B4GALNT2: variants seen among roughly 807,000 people sequenced by gnomAD.
B4GALNT2 encodes beta-1,4-N-acetyl-galactosaminyltransferase 2 (SID blood group).
B4GALNT2 carries 42 observed loss-of-function variants against 51.1 expected under a neutral mutation model. That is an observed-to-expected ratio of 0.82 (90% CI 0.64 to 1.06). B4GALNT2 has a LOEUF of 1.06. Among genes scored for constraint, B4GALNT2 ranks in the 50% least tolerant of loss-of-function variants. The pLI is 0.00. For synonymous variants in B4GALNT2, 253 were observed against 251.7 expected (o/e 1.01, Z -0.05); for missense variants, 602 against 633.6 (o/e 0.95, Z 0.54).
chr17:49,171,960 A>C lies in B4GALNT2; in HGVS notation c.*2232A>C, dbSNP rs1004009920. On this transcript the variant is annotated 3_prime_UTR_variant, in exon 11 of 11. Coordinates refer to ENST00000393354, the MANE Select transcript of B4GALNT2 (RefSeq NM_001159387.2). ...ACTGTGTCACACAGTGATTACATCC[A>C]GGCATTATTGCCAGCCAAGATTGAT... The C allele has an allele frequency of 7.5e-6, 2 of 266,208 alleles. No homozygotes were observed. Among genetic ancestry groups the C allele is most frequent in the African/African-American group, 4.7e-5 (2 of 42,762 alleles). The allele number at this position is 266,208 out of a possible 1,614,324, so 16.5% of individuals were successfully genotyped here.
chr17:49,152,129 C>A (rs558925303), intron 3 of B4GALNT2, among the ~76,000 whole-genome samples: 1 of 152,278 alleles, frequency 6.6e-6, no homozygotes, highest in East Asian at 1.9e-4. Flanking sequence ...ATAGTCCTGG[C>A]TTCTCTGACA....
At chr17:49,167,771 G>A (rs146851417) in intron 9 of B4GALNT2, among the ~76,000 whole-genome samples, 4 of 151,998 alleles carry the variant, frequency 2.6e-5, no homozygotes, top group East Asian at 1.9e-4. Flanking sequence ...CACCATGCCC[G>A]GCTGATTTTT....
chr17:49,138,202 A>G (rs868718003), intron 1 of B4GALNT2, among the ~76,000 whole-genome samples: 1 of 152,322 alleles, frequency 6.6e-6, no homozygotes, highest in African/African-American at 2.4e-5. Flanking sequence ...AGACTTAAAG[A>G]TTTATAACTC....
At chr17:49,158,636 CA>C (rs770885158) in intron 5 of B4GALNT2, among the ~76,000 whole-genome samples, 8,941 of 73,796 alleles carry the variant, frequency 0.12, 152 homozygotes, top group South Asian at 0.23. Context: ...GACTCCATCT[CA>C]AAAAAAAAAA....
intron 1 of B4GALNT2, among the ~76,000 whole-genome samples, chr17:49,137,741 A>T (rs1290888172): frequency 6.6e-6 from 1 of 152,190 alleles, no homozygotes; most frequent in Non-Finnish European, 1.5e-5. Context: ...TTCAGAACTT[A>T]ACAGGGAGGC....
intron 3 of B4GALNT2, among the ~76,000 whole-genome samples, chr17:49,143,815 A>T (rs934725780): frequency 6.6e-6 from 1 of 150,526 alleles, no homozygotes. Context: ...GCAAGAGCAC[A>T]TGCATCAGCT....
Position 49,172,617 on chromosome 17 carries a change from C to T in B4GALNT2, c.*2889C>T, listed in dbSNP as rs1052288142. 6.5e-6 allele frequency: 1 copy of T among 154,114 alleles called. No homozygotes were observed. Among genetic ancestry groups the T allele is most frequent in the African/African-American group, 2.4e-5 (1 of 41,502 alleles). 9.5% of individuals were successfully genotyped at this position (154,114 alleles called of 1,614,324 possible). On this transcript the variant is annotated 3_prime_UTR_variant, in exon 11 of 11. Transcript: ENST00000393354. The stretch of plus-strand genomic sequence containing the variant: ...GAGAGATTCATTCTTTCTACTATGG[C>T]TTGTCCTTGAGAATTATATGGGATG...
At chr17:49,169,385 T>A (rs1598219202) in intron 10 of B4GALNT2, 138 bp from the exon 11 acceptor site, 1 of 736,220 alleles carries the variant, frequency 1.4e-6, no homozygotes, top group Non-Finnish European at 2.3e-6. Context: ...GAGTTAAGGG[T>A]GTGGCTTCAC....
At chr17:49,154,310 T>C (rs893413447) in intron 4 of B4GALNT2, among the ~76,000 whole-genome samples, 4 of 152,126 alleles carry the variant, frequency 2.6e-5, no homozygotes, top group Admixed American at 2.0e-4. Flanking sequence ...CGGGAGTGCA[T>C]TGTGAAAAGA....
intron 9 of B4GALNT2, among the ~76,000 whole-genome samples, chr17:49,167,604 T>C (rs1177223533): frequency 6.9e-6 from 1 of 144,258 alleles, no homozygotes; most frequent in Non-Finnish European, 1.5e-5. Context: ...AACCCTCACC[T>C]ACTCTTTTTT....
At chr17:49,140,049 A>G (rs367689419) in intron 1 of B4GALNT2, among the ~76,000 whole-genome samples, 3 of 149,082 alleles carry the variant, frequency 2.0e-5, no homozygotes, top group East Asian at 3.9e-4. Flanking sequence ...ATTTATAAAT[A>G]TAATATAATA....
chr17:49,132,708 C>T (rs2042550375), upstream of B4GALNT2: 1 of 1,356,532 alleles, frequency 7.4e-7, no homozygotes, highest in Non-Finnish European at 9.5e-7. Flanking sequence ...GAGAATTTGC[C>T]CGGGTCGGTG....
At chr17:49,130,632 C>T (rs938004174), upstream of B4GALNT2, among the ~76,000 whole-genome samples, 3 of 144,628 alleles carry the variant, frequency 2.1e-5, no homozygotes, top group African/African-American at 7.7e-5. Flanking sequence ...AGTGAGACTC[C>T]ATCTTCAAAG....
At position 49,170,493 on chromosome 17, in the gene B4GALNT2, G is replaced by T. The variant is rs1368541795; in HGVS notation, c.*765G>T. ...CTCAGAGCCCATGCCAAGGCATGAT[G>T]GTGAACAGACAGTGTGAGTGTGGTG... On this transcript the variant is annotated 3_prime_UTR_variant, in exon 11 of 11. Transcript: ENST00000393354. 2 of 152,306 alleles carry T rather than the reference G, an allele frequency of 1.3e-5. No homozygotes were observed. The highest frequency in any genetic ancestry group is 1.3e-4 in the Admixed American group (2 of 15,288). 9.4% of individuals were successfully genotyped at this position (152,306 alleles called of 1,614,324 possible). A position where few individuals can be genotyped will look rare whatever the true frequency, so the allele number is the denominator to read the frequency against.
chr17:49,175,167 G>A lies in B4GALNT2; in HGVS notation c.*5439G>A, dbSNP rs1200034686. On this transcript the variant is annotated 3_prime_UTR_variant, in exon 11 of 11. Coordinates refer to ENST00000393354, the MANE Select transcript of B4GALNT2 (RefSeq NM_001159387.2). ...CAGCCAGTGCTGTAGAGAAATGATT[G>A]AAATGTCTGCTCCTGTATCTACCAA... 3 of 152,154 alleles carry A rather than the reference G, an allele frequency of 2.0e-5. No homozygotes were observed. The highest frequency in any genetic ancestry group is 7.2e-5 in the African/African-American group (3 of 41,432). 9.4% of individuals were successfully genotyped at this position (152,154 alleles called of 1,614,324 possible). A position where few individuals can be genotyped will look rare whatever the true frequency, so the allele number is the denominator to read the frequency against.
At position 49,160,622 on chromosome 17, in the gene B4GALNT2, G is replaced by A. The variant is rs1275952271; in HGVS notation, c.747G>A (p.Lys249=). 1 of 1,614,146 alleles carries A rather than the reference G, an allele frequency of 6.2e-7. No homozygotes were observed. The highest frequency in any genetic ancestry group is 1.7e-5 in the Admixed American group (1 of 60,022). ...CCATCCGCCATCCTGTCATACCCAA[G>A]CTATACGACCCTGGACCAGGTAAGG... is the stretch of plus-strand genomic sequence containing the variant. ...PVTIRHPVIP[K]LYDPGPERKL... is the part of the protein sequence containing the mutation. Residue 249 remains lysine, a synonymous_variant, in exon 7 of 11, where the codon AAG becomes AAA. Transcript: ENST00000393354.
rs1399125044 is a variant in B4GALNT2, at chr17:49,173,350, A to C, written c.*3622A>C. The stretch of plus-strand genomic sequence containing the variant: ...CAGTCAATACCTCAATTACAGCTAT[A>C]AGCTCTGCTTTTTGAACTGAAGTAT... On this transcript the variant is annotated 3_prime_UTR_variant, in exon 11 of 11. Coordinates refer to ENST00000393354, the MANE Select transcript of B4GALNT2 (RefSeq NM_001159387.2). 1.3e-5 allele frequency: 2 copies of C among 152,236 alleles called. No homozygotes were observed. The highest frequency in any genetic ancestry group is 4.8e-5 in the African/African-American group (2 of 41,458). 9.4% of individuals were successfully genotyped at this position (152,236 alleles called of 1,614,324 possible).
chr17:49,133,129 G>A, intron 1 of B4GALNT2: 1 of 1,531,284 alleles, frequency 6.5e-7, no homozygotes, highest in Non-Finnish European at 8.7e-7. Flanking sequence ...CGGCTCGGGA[G>A]TGCGGGCTTC....
At chr17:49,166,842 A>C (rs1236607504) in intron 9 of B4GALNT2, among the ~76,000 whole-genome samples, 1 of 152,052 alleles carries the variant, frequency 6.6e-6, no homozygotes, top group Non-Finnish European at 1.5e-5. Flanking sequence ...GGTGGTGTGC[A>C]TCTGTAGTCC....
Sources: allele counts gnomAD v4.1 joint callset (sites outside exome capture counted in the v4.1 genomes callset), GRCh38; gene constraint gnomAD v4.1.1; transcripts MANE v1.5; gene names NCBI Gene and HGNC (gene_info 2026-07-23, HGNC 2026-07-21).